GPHN: variants seen among roughly 807,000 people sequenced by gnomAD.
The protein encoded by GPHN is gephyrin.
Under a neutral mutation model 95.5 loss-of-function variants are expected in GPHN, and 17 were observed. The ratio of observed to expected loss-of-function variants is 0.18; its 90% CI spans 0.12 to 0.27. GPHN has a LOEUF of 0.27. GPHN is among the 10% of genes least tolerant of loss of function. The pLI is 1.00. For synonymous variants in GPHN, 320 were observed against 322.5 expected, an observed-to-expected ratio of 0.99 and a Z score of 0.08; for missense variants, 660 against 978.1, an observed-to-expected ratio of 0.67 and a Z score of 4.34.
intron 6 of GPHN, among the ~76,000 whole-genome samples, chr14:66,919,917 A>AG (rs1232692278): frequency 6.6e-6 from 1 of 151,982 alleles, no homozygotes; most frequent in Non-Finnish European, 1.5e-5. Flanking sequence ...ATAAAAAAAA[A>AG]CTAGCCAGGC....
chr14:67,311,175 G>A, the GPHN span, among the ~76,000 whole-genome samples: 42 of 152,232 alleles, frequency 2.8e-4, no homozygotes, highest in African/African-American at 7.9e-4. Context: ...GCTGGGCGTT[G>A]TGGTGAGTGC....
At chr14:66,895,123 G>A (rs1274034854) in intron 5 of GPHN, among the ~76,000 whole-genome samples, 1 of 152,210 alleles carries the variant, frequency 6.6e-6, no homozygotes, top group Non-Finnish European at 1.5e-5. Context: ...GTCCATCAGT[G>A]ATAGACTGGA....
chr14:66,766,963 T>A (rs2058982448), intron 2 of GPHN, among the ~76,000 whole-genome samples: 1 of 152,074 alleles, frequency 6.6e-6, no homozygotes, highest in Admixed American at 6.6e-5. Context: ...GCGTCCCTGT[T>A]GATGGCTTTC....
At chr14:66,724,026 G>C (rs1041823395) in intron 2 of GPHN, among the ~76,000 whole-genome samples, 3 of 142,562 alleles carry the variant, frequency 2.1e-5, no homozygotes, top group African/African-American at 8.1e-5. Flanking sequence ...CACACAAACA[G>C]ATTCAAATAA....
the GPHN span, chr14:67,582,283 C>T: frequency 3.1e-6 from 5 of 1,606,982 alleles, no homozygotes; most frequent in Admixed American, 6.8e-5. The surrounding 1 kb of genome is among the most constrained non-coding windows in gnomAD (Gnocchi z 5.0). Flanking sequence ...GCCTGAAACA[C>T]AGGAGAGATT....
intron 4 of GPHN, among the ~76,000 whole-genome samples, chr14:66,851,189 A>G (rs2062567026): frequency 6.6e-6 from 1 of 151,834 alleles, no homozygotes; most frequent in Non-Finnish European, 1.5e-5. Flanking sequence ...AAGTTACACC[A>G]TAATGGATTT....
chr14:67,492,260 G>A, the GPHN span, among the ~76,000 whole-genome samples: 1 of 152,188 alleles, frequency 6.6e-6, no homozygotes, highest in Non-Finnish European at 1.5e-5. Flanking sequence ...TGAAAGGCTG[G>A]ACAGCTGCTG....
the GPHN span, among the ~76,000 whole-genome samples, chr14:67,344,718 A>T: frequency 6.6e-6 from 1 of 151,770 alleles, no homozygotes; most frequent in African/African-American, 2.4e-5. Context: ...ATCTCAACTA[A>T]AAAATTCAAA....
intron 4 of GPHN, among the ~76,000 whole-genome samples, chr14:66,826,676 AG>A (rs1416798891): frequency 5.9e-5 from 9 of 152,314 alleles, no homozygotes; most frequent in East Asian, 3.9e-4. Context: ...TTTACTATAA[AG>A]GATACAATTT....
the GPHN span, among the ~76,000 whole-genome samples, chr14:67,502,787 A>C: frequency 3.9e-5 from 6 of 152,172 alleles, no homozygotes; most frequent in Non-Finnish European, 8.8e-5. Flanking sequence ...TCAAGGCCAA[A>C]GCAGAGTGAC....
chr14:67,570,417 A>G, the GPHN span: 1 of 362,322 alleles, frequency 2.8e-6, no homozygotes, highest in Admixed American at 6.1e-5. Flanking sequence ...ATTTTCATAC[A>G]CATTTTTGTC....
the GPHN span, among the ~76,000 whole-genome samples, chr14:67,514,247 G>C: frequency 6.6e-6 from 1 of 152,130 alleles, no homozygotes; most frequent in South Asian, 2.1e-4. Context: ...GGGAAACCCT[G>C]GGGAAAGAAA....
chr14:67,574,416 G>T, the GPHN span: 10 of 1,516,216 alleles, frequency 6.6e-6, no homozygotes, highest in East Asian at 2.4e-4. The surrounding 1 kb of genome is among the most constrained non-coding windows in gnomAD (Gnocchi z 4.2). Context: ...AGAGGGTGGG[G>T]CTGATAGGGC....
the GPHN span, among the ~76,000 whole-genome samples, chr14:67,436,306 G>A: frequency 3.3e-5 from 5 of 152,288 alleles, no homozygotes; most frequent in African/African-American, 1.2e-4. Context: ...AGTAGCTGGG[G>A]GATATTGGGG....
the GPHN span, chr14:67,390,530 G>A: frequency 1.4e-6 from 1 of 727,640 alleles, no homozygotes; most frequent in East Asian, 2.5e-5. Context: ...GGAAGGAAAG[G>A]CATGGTGCAG....
the GPHN span, among the ~76,000 whole-genome samples, chr14:67,429,232 T>TA: frequency 7.0e-6 from 1 of 142,164 alleles, no homozygotes; most frequent in South Asian, 2.2e-4. Flanking sequence ...AGTGGACAAT[T>TA]TTTTTTTTTT....
rs944337180 is a variant in GPHN, at chr14:66,675,207, G to A, written c.65-5900G>A. 6.7e-5 allele frequency among the ~76,000 whole-genome samples: 10 copies of A among 148,224 alleles called. No individual in the cohort carries two copies. In the East Asian group the frequency reaches 1.6e-3, roughly 24 times the overall value. On this transcript the variant is annotated intron_variant, in intron 1 of 22. Coordinates refer to ENST00000478722, the MANE Select transcript of GPHN (RefSeq NM_020806.5). ...TGCCCATGCTGAAGTCGAATGGCAC[G>A]ATCTCGGCTCACTGCAACCTCTGCC...
chr14:66,737,319 C>T, intron 2 of GPHN, among the ~76,000 whole-genome samples: 1 of 152,028 alleles, frequency 6.6e-6, no homozygotes. Context: ...TTGATTCTCC[C>T]ATGCACATGG....
chr14:66,709,171 T>G (rs1447426213), intron 2 of GPHN, among the ~76,000 whole-genome samples: 1 of 152,210 alleles, frequency 6.6e-6, no homozygotes, highest in East Asian at 1.9e-4. Context: ...GGGCCTTTAT[T>G]TGAACAGTGT....
Sources: gnomAD v4.1 joint callset for allele counts (sites outside exome capture counted in the v4.1 genomes callset) on GRCh38, gnomAD v4.1.1 for gene constraint, Gnocchi (gnomAD v3.1) non-coding constraint, MANE v1.5 for transcripts, NCBI Gene and HGNC (gene_info 2026-07-23, HGNC 2026-07-21) for gene names.